ASCC1: variants seen among roughly 807,000 people sequenced by gnomAD.
ASCC1 encodes ASC-1 complex subunit P50.
In ASCC1, 35 loss-of-function variants were observed where a neutral mutation model predicts 46.6. That is an observed-to-expected ratio of 0.75 (90% CI 0.57 to 0.99). ASCC1 has a LOEUF of 0.99. Ranked by LOEUF, ASCC1 falls within the 50% of genes least tolerant of loss-of-function variation. ASCC1 has a pLI of 0.00. For synonymous variants in ASCC1, 143 were observed against 146.6 expected (o/e 0.98, Z 0.18); for missense variants, 376 against 428.7 (o/e 0.88, Z 1.09).
At chr10:72,104,562 T>A (rs905480524) in intron 9 of ASCC1, among the ~76,000 whole-genome samples, 2 of 152,180 alleles carry the variant, frequency 1.3e-5, no homozygotes, top group African/African-American at 2.4e-5. Flanking sequence ...ACAGGAAAAA[T>A]TTAAATTAAA....
intron 5 of ASCC1, among the ~76,000 whole-genome samples, chr10:72,181,295 T>C (rs938215988): frequency 6.6e-6 from 1 of 152,104 alleles, no homozygotes; most frequent in Non-Finnish European, 1.5e-5. Context: ...AAATGCCTGC[T>C]TGAGTCTAAT....
intron 2 of ASCC1, 147 bp downstream of exon 2, chr10:72,213,040 T>C (rs1858401181): frequency 6.1e-6 from 4 of 657,460 alleles, no homozygotes; most frequent in Non-Finnish European, 1.1e-5. Context: ...TCAGTACCCT[T>C]AGACATGAAC....
intron 9 of ASCC1, among the ~76,000 whole-genome samples, chr10:72,118,001 G>A (rs1004827635): frequency 1.3e-5 from 2 of 152,174 alleles, no homozygotes; most frequent in African/African-American, 4.8e-5. Flanking sequence ...TTTAGCAATA[G>A]ATAATCAAGG....
In ASCC1 at chr10:72,196,824, G is replaced by A. The variant is rs778835382; in HGVS notation, c.476C>T (p.Ala159Val). Reference protein sequence around the residue: ...GFLRFQEEVLAKCSMDHGVDS... With the variant: ...GFLRFQEEVLVKCSMDHGVDS... Reference sequence around the variant, plus strand: ...GTTTGCACTTACCATGGAGCACTTCGCCAGTACTTCCTCCTGGAATCTCAG... The same window carrying A: ...GTTTGCACTTACCATGGAGCACTTCACCAGTACTTCCTCCTGGAATCTCAG... Residue 159 changes from alanine (A) to valine (V), a missense_variant, in exon 5 of 10, where the codon GCG becomes GTG. By Grantham distance (64) the Ala-to-Val change is moderately conservative (BLOSUM62 0). Transcript: ENST00000672957. 12 of 1,612,232 alleles carry A rather than the reference G, an allele frequency of 7.4e-6. No individual in the cohort carries two copies. Among genetic ancestry groups the A allele is most frequent in the Admixed American group, 5.0e-5 (3 of 59,874 alleles).
chr10:72,131,514 C>A (rs1000003004), intron 8 of ASCC1, among the ~76,000 whole-genome samples: 1 of 151,126 alleles, frequency 6.6e-6, no homozygotes, highest in Non-Finnish European at 1.5e-5. Flanking sequence ...GATTCTATTA[C>A]CTACCCAAAC....
chr10:72,118,578 G>A (rs1011107861), intron 9 of ASCC1, among the ~76,000 whole-genome samples: 14 of 151,816 alleles, frequency 9.2e-5, no homozygotes, highest in Middle Eastern at 6.8e-3. Context: ...TCAGGAGTTC[G>A]AGACCAGCCT....
intron 7 of ASCC1, among the ~76,000 whole-genome samples, chr10:72,141,305 G>T (rs1322622913): frequency 6.6e-6 from 1 of 152,060 alleles, no homozygotes; most frequent in Admixed American, 6.6e-5. Flanking sequence ...ATAATCTACA[G>T]TGAATACTTT....
At chr10:72,190,993 C>CT (rs1854371114) in intron 5 of ASCC1, among the ~76,000 whole-genome samples, 1 of 68,022 alleles carries the variant, frequency 1.5e-5, no homozygotes, top group Admixed American at 1.3e-4. Context: ...GAGACGCCGT[C>CT]TCAAAAAAAA....
At chr10:72,152,455 T>C (rs145080341) in intron 7 of ASCC1, among the ~76,000 whole-genome samples, 63 of 152,304 alleles carry the variant, frequency 4.1e-4, no homozygotes, top group Middle Eastern at 3.4e-3. Context: ...TTCCTGCCTC[T>C]TATCCTGGAA....
chr10:72,204,338 G>A lies in ASCC1; in HGVS notation c.213-814C>T, dbSNP rs76938713. ...CAACAGCGAGCTACAGCCAACTCTC[G>A]ACTACCCCATGAAGACGGGACATGA... On this transcript the variant is annotated intron_variant, in intron 3 of 9. Coordinates refer to ENST00000672957, the MANE Select transcript of ASCC1 (RefSeq NM_001198800.3). 1.5e-4 allele frequency: 233 copies of A among 1,518,602 alleles called. 1 individual carries two copies. The East Asian group carries it at 3.4e-3, about 22-fold the overall frequency. 94.1% of individuals were successfully genotyped at this position (1,518,602 alleles called of 1,614,324 possible).
intron 8 of ASCC1, among the ~76,000 whole-genome samples, chr10:72,130,001 AACACAC>A (rs1845402336): frequency 7.4e-6 from 1 of 134,868 alleles, no homozygotes; most frequent in African/African-American, 2.8e-5. Context: ...AAAAAAAAAA[AACACAC>A]AGAAAACAAA....
intron 7 of ASCC1, among the ~76,000 whole-genome samples, chr10:72,143,005 C>T (rs1019412459): frequency 2.0e-5 from 3 of 151,522 alleles, no homozygotes; most frequent in Admixed American, 6.6e-5. Flanking sequence ...ACTAAAAATA[C>T]GAAAAATTAG....
chr10:72,143,038 G>A (rs1030667535), intron 7 of ASCC1, among the ~76,000 whole-genome samples: 2 of 151,934 alleles, frequency 1.3e-5, no homozygotes, highest in South Asian at 2.1e-4. Flanking sequence ...GTGGGCGCCT[G>A]TAGTCCCAGC....
intron 6 of ASCC1, among the ~76,000 whole-genome samples, chr10:72,158,445 G>A (rs1849249637): frequency 6.6e-6 from 1 of 152,160 alleles, no homozygotes; most frequent in African/African-American, 2.4e-5. Context: ...CCAGTGCACG[G>A]TCTGTGTCCT....
At position 72,151,594 on chromosome 10, in the gene ASCC1, T is replaced by TA. The variant is rs1160963465; in HGVS notation, c.746+1274dup. Among the ~76,000 whole-genome samples the TA allele has an allele frequency of 4.6e-5, 7 of 151,704 alleles. 1 individual carries two copies. The South Asian group carries it at 6.2e-4, about 14-fold the overall frequency. On this transcript the variant is annotated intron_variant, in intron 7 of 9. Coordinates refer to ENST00000672957, the MANE Select transcript of ASCC1 (RefSeq NM_001198800.3). ...ATGTACCCTAGAACTTAAAGTATAA[T>TA]AAAAAAAAGAGTAAACATTTTTTGA...
At chr10:72,210,669 G>T in intron 3 of ASCC1, 63 bp downstream of exon 3, 1 of 1,351,594 alleles carries the variant, frequency 7.4e-7, no homozygotes, top group Non-Finnish European at 1.1e-6. Context: ...AGACCAAAGG[G>T]TCCACTTCCC....
At chr10:72,203,376 A>G in intron 4 of ASCC1, 51 bp downstream of exon 4, 1 of 1,342,044 alleles carries the variant, frequency 7.5e-7, no homozygotes, top group Non-Finnish European at 1.1e-6. Context: ...ACATTATTCC[A>G]TAAACATGCA....
intron 9 of ASCC1, among the ~76,000 whole-genome samples, chr10:72,099,751 C>T (rs189731801): frequency 6.6e-5 from 10 of 152,042 alleles, no homozygotes; most frequent in South Asian, 2.1e-4. Flanking sequence ...ACCTGGGAGG[C>T]GGAGGTTGCG....
At chr10:72,113,008 T>A (rs1284447824) in intron 9 of ASCC1, among the ~76,000 whole-genome samples, 1 of 152,108 alleles carries the variant, frequency 6.6e-6, no homozygotes, top group African/African-American at 2.4e-5. Flanking sequence ...GATAAGTATT[T>A]TCTACAGTAA....
Sources: gnomAD v4.1 joint callset for allele counts (sites outside exome capture counted in the v4.1 genomes callset) on GRCh38, gnomAD v4.1.1 for gene constraint, MANE v1.5 for transcripts, NCBI Gene and HGNC (gene_info 2026-07-23, HGNC 2026-07-21) for gene names.